Variants in INSR observed in about 807,000 individuals in gnomAD.
The protein encoded by INSR is IR.
In INSR, 67 loss-of-function variants were observed where a neutral mutation model predicts 142.6. The ratio of observed to expected loss-of-function variants is 0.47; its 90% CI spans 0.39 to 0.58. The LOEUF (loss-of-function observed/expected upper bound fraction) is 0.58. Ranked by LOEUF, INSR falls within the 20% of genes least tolerant of loss-of-function variation. INSR has a pLI of 0.00. For synonymous variants in INSR, 756 were observed against 743.1 expected, an observed-to-expected ratio of 1.02 and a Z score of -0.28; for missense variants, 1,248 against 1,833.2, an observed-to-expected ratio of 0.68 and a Z score of 5.83.
chr19:7,250,011 T>C (rs1976662113), intron 2 of INSR, among the ~76,000 whole-genome samples: 1 of 151,080 alleles, frequency 6.6e-6, no homozygotes, highest in Non-Finnish European at 1.5e-5. Context: ...TAAAATAAAA[T>C]AACTGGGCAT....
chr19:7,160,383 G>A (rs113308879), intron 9 of INSR, among the ~76,000 whole-genome samples: 2,819 of 151,912 alleles, frequency 0.019, 83 homozygotes, highest in African/African-American at 0.065. Flanking sequence ...CTGACCCCTG[G>A]TGATCCACCC....
intron 1 of INSR, among the ~76,000 whole-genome samples, chr19:7,285,146 C>G (rs538948766): frequency 7.2e-4 from 110 of 151,880 alleles, no homozygotes; most frequent in Non-Finnish European, 1.3e-3. Flanking sequence ...GAGCCCTTAT[C>G]CCTGCTGAAA....
At chr19:7,228,980 A>AGGATGGAT (rs59628521) in intron 2 of INSR, among the ~76,000 whole-genome samples, 60,454 of 137,474 alleles carry the variant, frequency 0.44, 12,810 homozygotes, top group East Asian at 0.53. Flanking sequence ...AGTAGACAGA[A>AGGATGGAT]GGATGGATGG....
At chr19:7,172,061 A>G (rs1974027007) in intron 5 of INSR, among the ~76,000 whole-genome samples, 1 of 151,676 alleles carries the variant, frequency 6.6e-6, no homozygotes, top group Non-Finnish European at 1.5e-5. Flanking sequence ...ACAGGCATGC[A>G]CTATCACACT....
chr19:7,284,072 G>T (rs113957958), intron 1 of INSR, among the ~76,000 whole-genome samples: 2 of 150,754 alleles, frequency 1.3e-5, no homozygotes, highest in Non-Finnish European at 3.0e-5. Flanking sequence ...TTGTTTTTTT[G>T]GGTTTTTTTT....
In INSR at chr19:7,189,086, C is replaced by T. The variant is rs74402813; in HGVS notation, c.653-4449G>A. ...TTAACACTGATCTGTCTGTGGGAACCTGAGGGCTGAAATTCAATTGAAGGA... is the reference window on the plus strand; with the variant it reads ...TTAACACTGATCTGTCTGTGGGAACTTGAGGGCTGAAATTCAATTGAAGGA... On this transcript the variant is annotated intron_variant, in intron 2 of 21. Transcript: ENST00000302850. Among the ~76,000 whole-genome samples, 1,083 of 152,086 alleles carry T rather than the reference C, an allele frequency of 7.1e-3. 14 individuals carry two copies. Among genetic ancestry groups the T allele is most frequent in the African/African-American group, 0.024 (990 of 41,474 alleles).
At chr19:7,212,912 T>C (rs1166214804) in intron 2 of INSR, among the ~76,000 whole-genome samples, 1 of 151,970 alleles carries the variant, frequency 6.6e-6, no homozygotes, top group Non-Finnish European at 1.5e-5. Context: ...TCTGCTTCTG[T>C]ACCACCCTCT....
chr19:7,156,451 T>C (rs1973594465), intron 9 of INSR, among the ~76,000 whole-genome samples: 1 of 152,136 alleles, frequency 6.6e-6, no homozygotes, highest in Non-Finnish European at 1.5e-5. Flanking sequence ...TTTTGTCTCC[T>C]ACTAGGGACA....
chr19:7,243,344 C>G (rs1976428624), intron 2 of INSR, among the ~76,000 whole-genome samples: 1 of 135,222 alleles, frequency 7.4e-6, no homozygotes, highest in African/African-American at 2.7e-5. Context: ...TTCCTGGGTT[C>G]AAGTGATTCT....
chr19:7,253,241 TTTA>T (rs1976787544), intron 2 of INSR, among the ~76,000 whole-genome samples: 2 of 151,778 alleles, frequency 1.3e-5, no homozygotes, highest in African/African-American at 2.4e-5. Context: ...TGTTTATTTA[TTTA>T]TTTAATTATT....
chr19:7,163,005 G>C (rs766846403), intron 9 of INSR, 27 bp downstream of exon 9: 2 of 1,611,966 alleles, frequency 1.2e-6, no homozygotes, highest in African/African-American at 1.3e-5. Context: ...AAACCCCACC[G>C]ATCCTAGCAC....
In INSR at chr19:7,119,809, C is replaced by A. The variant is rs143582066; in HGVS notation, c.3660-226G>T. On this transcript the variant is annotated intron_variant, in intron 20 of 21. Coordinates refer to ENST00000302850, the MANE Select transcript of INSR (RefSeq NM_000208.4). This position sits in a 1 kb window ranked among gnomAD's most constrained non-coding sequence, Gnocchi z 5.2. ...ATGCACACACAAATATGCAAACACACAAACACATATACACACACAAACACA... is the reference window on the plus strand; with the variant it reads ...ATGCACACACAAATATGCAAACACAAAAACACATATACACACACAAACACA... Among the ~76,000 whole-genome samples the A allele has an allele frequency of 8.0e-6, 1 of 124,992 alleles. No individual in the cohort carries two copies. The allele number at this position is 124,992 out of a possible 152,430, so 82.0% of individuals were successfully genotyped here. A position where few individuals can be genotyped will look rare whatever the true frequency, so the allele number is the denominator to read the frequency against.
chr19:7,162,873 G>C (rs1198401164), intron 9 of INSR, among the ~76,000 whole-genome samples, 159 bp downstream of exon 9: 2 of 151,376 alleles, frequency 1.3e-5, no homozygotes, highest in Admixed American at 1.3e-4. Context: ...ATAAAAACAT[G>C]TATGTGTGTT....
chr19:7,210,725 A>C (rs1164592236), intron 2 of INSR, among the ~76,000 whole-genome samples: 1 of 152,076 alleles, frequency 6.6e-6, no homozygotes, highest in African/African-American at 2.4e-5. Context: ...GGAGAGAGAG[A>C]GACAGAGACA....
intron 10 of INSR, chr19:7,152,465 T>G: frequency 3.8e-6 from 2 of 523,948 alleles, no homozygotes; most frequent in Non-Finnish European, 6.9e-6. Flanking sequence ...GGAGACCAGC[T>G]CAGGAGAGGT....
rs917085101 is a variant in INSR at position 7,242,892 on chromosome 19, TA to T, written c.652+24452del. 3.5e-4 allele frequency among the ~76,000 whole-genome samples: 53 copies of T among 152,080 alleles called. 1 individual carries two copies. The highest frequency in any genetic ancestry group is 1.3e-3 in the African/African-American group (53 of 41,486). ...AAAGGAATCCAAATCAGAACTCCTC[TA>T]AAAAAGCAGTACCCTGTTTTCAGTG... On this transcript the variant is annotated intron_variant, in intron 2 of 21. Coordinates refer to ENST00000302850, the MANE Select transcript of INSR (RefSeq NM_000208.4).
intron 9 of INSR, among the ~76,000 whole-genome samples, chr19:7,154,741 T>C (rs1004269783): frequency 2.0e-5 from 3 of 151,610 alleles, no homozygotes; most frequent in African/African-American, 7.3e-5. Flanking sequence ...CTAGCCAACA[T>C]GGCGAAACCC....
At chr19:7,204,436 G>T (rs547742522) in intron 2 of INSR, among the ~76,000 whole-genome samples, 1 of 152,020 alleles carries the variant, frequency 6.6e-6, no homozygotes, top group Non-Finnish European at 1.5e-5. Context: ...TCATGGCCTC[G>T]TTTTCCCGGG....
intron 2 of INSR, among the ~76,000 whole-genome samples, chr19:7,265,132 AAAG>A (rs1222617637): frequency 6.6e-6 from 1 of 152,202 alleles, no homozygotes; most frequent in Non-Finnish European, 1.5e-5. Context: ...GGAAATGTGA[AAAG>A]AAGTCCATGA....
Sources: allele counts gnomAD v4.1 joint callset (sites outside exome capture counted in the v4.1 genomes callset), GRCh38; gene constraint gnomAD v4.1.1; non-coding constraint Gnocchi (gnomAD v3.1); transcripts MANE v1.5; gene names NCBI Gene and HGNC (gene_info 2026-07-23, HGNC 2026-07-21).